The following DMD variants were observed in gnomAD, a reference collection of about 807,000 sequenced individuals.
DMD encodes mutant dystrophin.
DMD carries 63 observed loss-of-function variants against 330.1 expected under a neutral mutation model. The ratio of observed to expected loss-of-function variants is 0.19; its 90% CI spans 0.16 to 0.24. The LOEUF (loss-of-function observed/expected upper bound fraction) is 0.24, where lower values mean the gene tolerates loss of function less well. Among genes scored for constraint, DMD ranks in the 10% least tolerant of loss-of-function variants. DMD has a pLI of 1.00. For synonymous variants in DMD, 1,223 were observed against 959.8 expected, an observed-to-expected ratio of 1.27 and a Z score of -5.07; for missense variants, 3,344 against 2,684.1, an observed-to-expected ratio of 1.25 and a Z score of -5.43.
intron 50 of DMD, among the ~76,000 whole-genome samples, chrX:31,786,468 T>C (rs1382465670): frequency 1.8e-5 from 2 of 111,494 alleles, no homozygotes; most frequent in Non-Finnish European, 3.8e-5. Flanking sequence ...ATGGTTCTGA[T>C]ATATTAAGGC....
intron 1 of DMD, among the ~76,000 whole-genome samples, chrX:33,120,301 T>C (rs1569555680): frequency 8.9e-6 from 1 of 111,740 alleles, no homozygotes; most frequent in East Asian, 2.8e-4. Flanking sequence ...TGGGGCTCAG[T>C]CCTGCTGGTG....
chrX:32,318,436 C>T (rs990104249), intron 41 of DMD, among the ~76,000 whole-genome samples: 5 of 111,625 alleles, frequency 4.5e-5, no homozygotes, highest in African/African-American at 1.6e-4. Flanking sequence ...ATGACAATAA[C>T]AGCATTCTGA....
intron 44 of DMD, among the ~76,000 whole-genome samples, chrX:32,051,890 A>G (rs1274548642): frequency 9.0e-6 from 1 of 111,377 alleles, no homozygotes. Context: ...ATGCAAGTAC[A>G]CCTTGTTCTT....
chrX:32,205,163 GT>G (rs1459237694), intron 44 of DMD, among the ~76,000 whole-genome samples: 1 of 98,555 alleles, frequency 1.0e-5, no homozygotes, highest in Non-Finnish European at 2.0e-5. Flanking sequence ...CACAAACTGA[GT>G]TTATGATTCA....
intron 74 of DMD, among the ~76,000 whole-genome samples, chrX:31,151,565 T>G (rs1443140237): frequency 8.9e-6 from 1 of 112,402 alleles, no homozygotes; most frequent in Non-Finnish European, 1.9e-5. Flanking sequence ...ATAAGGACCC[T>G]TGTTCAAGAG....
intron 1 of DMD, among the ~76,000 whole-genome samples, chrX:33,153,021 C>T (rs1232701953): frequency 8.9e-6 from 1 of 112,603 alleles, no homozygotes; most frequent in Non-Finnish European, 1.9e-5. Flanking sequence ...TTCTCATTAA[C>T]AAATGTAGAT....
intron 9 of DMD, among the ~76,000 whole-genome samples, chrX:32,670,950 G>A (rs2061596313): frequency 9.1e-6 from 1 of 110,237 alleles, no homozygotes; most frequent in East Asian, 2.8e-4. Flanking sequence ...TGTGTGAGTG[G>A]GAGAATAATA....
intron 47 of DMD, among the ~76,000 whole-genome samples, chrX:31,881,072 A>G (rs2094055732): frequency 9.0e-6 from 1 of 111,476 alleles, no homozygotes; most frequent in African/African-American, 3.3e-5. Context: ...TTACTTTTTA[A>G]CAGAAAAGCT....
In DMD at chrX:32,609,182, T is replaced by A. The variant is rs181451478; in HGVS notation, c.1482+5121A>T. Among the ~76,000 whole-genome samples, 367 of 111,147 alleles carry A rather than the reference T, an allele frequency of 3.3e-3. 1 individual carries two copies. The highest frequency in any genetic ancestry group is 0.011 in the African/African-American group (341 of 30,831). On this transcript the variant is annotated intron_variant, in intron 12 of 78. Coordinates refer to ENST00000357033, the MANE Select transcript of DMD (RefSeq NM_004006.3). ...GCTTTGTACCTGTTTACAATTTTTGTTGTCATTGCTTTCATTCAGGCTCTA... is the reference window on the plus strand; with the variant it reads ...GCTTTGTACCTGTTTACAATTTTTGATGTCATTGCTTTCATTCAGGCTCTA...
At chrX:31,284,857 CA>C (rs1569517141) in intron 62 of DMD, among the ~76,000 whole-genome samples, 42 of 107,698 alleles carry the variant, frequency 3.9e-4, no homozygotes, top group Middle Eastern at 4.7e-3. Context: ...CACACACACA[CA>C]CACACCCACA....
At chrX:31,243,861 G>C (rs934044984) in intron 63 of DMD, among the ~76,000 whole-genome samples, 1 of 112,401 alleles carries the variant, frequency 8.9e-6, no homozygotes, top group Non-Finnish European at 1.9e-5. Flanking sequence ...GTTCCTCAAA[G>C]TCTTACGTGG....
intron 42 of DMD, among the ~76,000 whole-genome samples, chrX:32,299,715 G>GAGT: frequency 1.8e-5 from 2 of 110,900 alleles, no homozygotes; most frequent in Middle Eastern, 9.3e-3. Flanking sequence ...TTCTCCATCT[G>GAGT]AGTATGGGTA....
intron 50 of DMD, among the ~76,000 whole-genome samples, chrX:31,809,138 T>C (rs2149379736): frequency 1.1e-5 from 1 of 92,339 alleles, no homozygotes; most frequent in Non-Finnish European, 2.1e-5. Flanking sequence ...TATATAAATA[T>C]ATATGAGTTT....
rs185610349 is a variant in DMD, at chrX:32,327,884, T to C, written c.5922+14216A>G. Among the ~76,000 whole-genome samples, 492 of 111,678 alleles carry C rather than the reference T, an allele frequency of 4.4e-3. 3 individuals carry two copies. The highest frequency in any genetic ancestry group is 0.015 in the African/African-American group (467 of 30,848). ...TGACTGTTCCTCCCCACAATCTCCTTGTAAAAGCAGCTACAACAGAAATAA... is the reference window on the plus strand; with the variant it reads ...TGACTGTTCCTCCCCACAATCTCCTCGTAAAAGCAGCTACAACAGAAATAA... On this transcript the variant is annotated intron_variant, in intron 41 of 78. Transcript: ENST00000357033.
At chrX:31,220,100 A>G (rs780830785) in intron 64 of DMD, among the ~76,000 whole-genome samples, 43 of 111,535 alleles carry the variant, frequency 3.9e-4, no homozygotes, top group Admixed American at 1.3e-3. Flanking sequence ...GGTGTGTACT[A>G]GGCTATACCA....
chrX:33,276,156 C>T lies in DMD; in HGVS notation c.7+63103G>A, dbSNP rs188206882. On this transcript the variant is annotated intron_variant, in intron 1 of 17. Transcript: ENST00000288447. ...TGTATTATATTTTTACTCAAATGGA[C>T]CACTGCTAGTTAAGTTTCTTTCAAG... is the stretch of plus-strand genomic sequence containing the variant. 1.6e-3 allele frequency among the ~76,000 whole-genome samples: 181 copies of T among 111,561 alleles called. 1 individual carries two copies. Among genetic ancestry groups the T allele is most frequent in the African/African-American group, 5.7e-3 (176 of 30,739 alleles).
chrX:32,647,685 T>C lies in DMD; in HGVS notation c.961-2533A>G, dbSNP rs149573951. ...CAATAATACTTCCATAATAAGATTGTGGTAAGAATTAAAGAGTGCATAATG... is the reference window on the plus strand; with the variant it reads ...CAATAATACTTCCATAATAAGATTGCGGTAAGAATTAAAGAGTGCATAATG... On this transcript the variant is annotated intron_variant, in intron 9 of 78. Transcript: ENST00000357033. 9.9e-3 allele frequency among the ~76,000 whole-genome samples: 1,107 copies of C among 111,970 alleles called. 20 individuals carry two copies. Among genetic ancestry groups the C allele is most frequent in the African/African-American group, 0.034 (1,046 of 30,828 alleles).
intron 1 of DMD, among the ~76,000 whole-genome samples, chrX:33,098,523 G>A (rs1439036811): frequency 1.8e-5 from 2 of 110,763 alleles, no homozygotes; most frequent in Non-Finnish European, 3.8e-5. Context: ...TAAGTAGCAC[G>A]GCACTAAAGA....
At chrX:31,418,294 G>C (rs2063173342) in intron 60 of DMD, among the ~76,000 whole-genome samples, 1 of 110,760 alleles carries the variant, frequency 9.0e-6, no homozygotes, top group African/African-American at 3.3e-5. Flanking sequence ...GCAGCTCTCT[G>C]GGTCTCTTTT....
Sources: allele counts gnomAD v4.1 joint callset (sites outside exome capture counted in the v4.1 genomes callset), GRCh38; gene constraint gnomAD v4.1.1; transcripts MANE v1.5; gene names NCBI Gene and HGNC (gene_info 2026-07-23, HGNC 2026-07-21).